The following RALA variants were observed in gnomAD, a reference collection of about 807,000 sequenced individuals.
RALA encodes RAS like proto-oncogene A, also known as ras-related protein Ral-A.
In RALA, 5 loss-of-function variants were observed where a neutral mutation model predicts 24.0. The ratio of observed to expected loss-of-function variants is 0.21; its 90% CI spans 0.11 to 0.44. The LOEUF (loss-of-function observed/expected upper bound fraction) is 0.44, where lower values mean the gene tolerates loss of function less well. RALA is among the 20% of genes least tolerant of loss of function. The probability of loss-of-function intolerance (pLI) is 0.99; values close to 1 mark genes in which losing one functional copy is unlikely to be tolerated. For missense variants in RALA, 95 were observed against 241.2 expected (o/e 0.39, Z 4.01); for synonymous variants, 77 against 83.8 (o/e 0.92, Z 0.44).
intron 1 of RALA, among the ~76,000 whole-genome samples, chr7:39,667,420 T>C (rs979576634): frequency 2.6e-5 from 4 of 152,078 alleles, no homozygotes; most frequent in Non-Finnish European, 4.4e-5. Context: ...ACAGATGGAG[T>C]GACCATCAGC....
intron 1 of RALA, among the ~76,000 whole-genome samples, chr7:39,648,902 T>TA (rs1242150944): frequency 6.6e-6 from 1 of 151,964 alleles, no homozygotes; most frequent in Non-Finnish European, 1.5e-5. Flanking sequence ...CTACAAAAAA[T>TA]ACAAAAATTA....
intron 1 of RALA, among the ~76,000 whole-genome samples, chr7:39,634,382 C>G (rs1791650330): frequency 6.6e-6 from 1 of 152,164 alleles, no homozygotes; most frequent in Admixed American, 6.5e-5. Flanking sequence ...CCTTGAAGAT[C>G]CTCAGATCTT....
Position 39,672,986 on chromosome 7 carries a change from C to T in RALA, c.-37-13645C>T, listed in dbSNP as rs145462299. Among the ~76,000 whole-genome samples the T allele has an allele frequency of 5.3e-5, 8 of 152,148 alleles. No homozygotes were observed. The East Asian group carries it at 5.8e-4, about 11-fold the overall frequency. ...TAAATCAACCTTCCCTCAAAAAGTTCGAGTCAGTTTTCAACATATGGCAAA... is the reference window on the plus strand; with the variant it reads ...TAAATCAACCTTCCCTCAAAAAGTTTGAGTCAGTTTTCAACATATGGCAAA... On this transcript the variant is annotated intron_variant, in intron 1 of 4. Transcript: ENST00000005257.
At chr7:39,627,733 C>G (rs1310500314) in intron 1 of RALA, among the ~76,000 whole-genome samples, 1 of 152,178 alleles carries the variant, frequency 6.6e-6, no homozygotes, top group African/African-American at 2.4e-5. Context: ...ACACTGAGTT[C>G]AGCTGCCCTG....
At chr7:39,674,854 TC>T (rs1476970526) in intron 1 of RALA, among the ~76,000 whole-genome samples, 1 of 146,288 alleles carries the variant, frequency 6.8e-6, no homozygotes, top group Non-Finnish European at 1.5e-5. Flanking sequence ...GTCAGAGTCT[TC>T]CTCTGTTGCC....
At chr7:39,626,512 C>G (rs1791490676) in intron 1 of RALA, among the ~76,000 whole-genome samples, 1 of 152,204 alleles carries the variant, frequency 6.6e-6, no homozygotes, top group Non-Finnish European at 1.5e-5. Context: ...TCTTGGACAT[C>G]AAGTGTGGCC....
chr7:39,699,722 T>C lies in RALA; in HGVS notation c.498+2863T>C, dbSNP rs567495230. ...TGTTTTAAACACACATACATACACA[T>C]TATCTATGTACACATCATAAGGATA... On this transcript the variant is annotated intron_variant, in intron 4 of 4. Transcript: ENST00000005257. Among the ~76,000 whole-genome samples the C allele has an allele frequency of 9.1e-4, 138 of 152,354 alleles. 1 individual carries two copies. Among genetic ancestry groups the C allele is most frequent in the African/African-American group, 3.2e-3 (133 of 41,578 alleles).
At chr7:39,647,112 G>A (rs866065050) in intron 1 of RALA, among the ~76,000 whole-genome samples, 177 of 152,214 alleles carry the variant, frequency 1.2e-3, no homozygotes, top group African/African-American at 3.8e-3. Flanking sequence ...GCACAGTCAT[G>A]GCTCTTTGCA....
intron 4 of RALA, chr7:39,700,387 A>G (rs1583761227): frequency 6.6e-6 from 1 of 152,224 alleles, no homozygotes; most frequent in African/African-American, 2.4e-5. Flanking sequence ...GCTCAGCCAG[A>G]TGATGCTGGC....
chr7:39,634,306 T>G (rs191670439), intron 1 of RALA, among the ~76,000 whole-genome samples: 1 of 152,282 alleles, frequency 6.6e-6, no homozygotes, highest in East Asian at 1.9e-4. Context: ...CCTTTTTCTC[T>G]CTGGGTCTTG....
chr7:39,699,120 TA>T (rs370678605), intron 4 of RALA, among the ~76,000 whole-genome samples: 35 of 129,512 alleles, frequency 2.7e-4, no homozygotes, highest in African/African-American at 8.7e-4. Flanking sequence ...CTAAAAATGT[TA>T]TTTTTTTTTT....
intron 1 of RALA, among the ~76,000 whole-genome samples, chr7:39,624,956 T>C (rs1461076071): frequency 1.3e-5 from 2 of 152,242 alleles, no homozygotes. Context: ...AATATTATTC[T>C]AAACCGACTC....
chr7:39,672,358 C>T (rs1792404244), intron 1 of RALA, among the ~76,000 whole-genome samples: 1 of 152,120 alleles, frequency 6.6e-6, no homozygotes, highest in Non-Finnish European at 1.5e-5. Flanking sequence ...AATACCACTA[C>T]ACATTCACTA....
At chr7:39,663,028 A>G (rs1792220662) in intron 1 of RALA, among the ~76,000 whole-genome samples, 1 of 152,216 alleles carries the variant, frequency 6.6e-6, no homozygotes, top group Admixed American at 6.5e-5. Flanking sequence ...GAGAGAGCCA[A>G]GCTAAGTGAG....
intron 1 of RALA, among the ~76,000 whole-genome samples, chr7:39,632,281 G>GT (rs913924680): frequency 3.3e-5 from 5 of 151,986 alleles, no homozygotes; most frequent in Admixed American, 2.0e-4. Flanking sequence ...TCTGTAAATA[G>GT]TTTTTTTTCC....
At chr7:39,675,158 A>C (rs1376325378) in intron 1 of RALA, among the ~76,000 whole-genome samples, 1 of 152,130 alleles carries the variant, frequency 6.6e-6, no homozygotes, top group Non-Finnish European at 1.5e-5. Flanking sequence ...TATATGTGGA[A>C]CCATTTTGCT....
At chr7:39,654,091 G>T (rs1344471385) in intron 1 of RALA, among the ~76,000 whole-genome samples, 3 of 151,962 alleles carry the variant, frequency 2.0e-5, no homozygotes, top group Non-Finnish European at 4.4e-5. Flanking sequence ...CTGCACAGGG[G>T]GTTCTATTTG....
chr7:39,672,933 C>T (rs1048386771), intron 1 of RALA, among the ~76,000 whole-genome samples: 2 of 152,192 alleles, frequency 1.3e-5, no homozygotes, highest in Non-Finnish European at 1.5e-5. Flanking sequence ...TTAAACTATA[C>T]ACTTAAAAGG....
intron 1 of RALA, among the ~76,000 whole-genome samples, chr7:39,672,167 A>G (rs1015154022): frequency 6.6e-6 from 1 of 152,198 alleles, no homozygotes; most frequent in Non-Finnish European, 1.5e-5. Context: ...TATTTTCAAA[A>G]CACATCTCTG....
Sources: gnomAD v4.1 joint callset for allele counts (sites outside exome capture counted in the v4.1 genomes callset) on GRCh38, gnomAD v4.1.1 for gene constraint, MANE v1.5 for transcripts, NCBI Gene and HGNC (gene_info 2026-07-23, HGNC 2026-07-21) for gene names.